Variants in NKAIN3 observed in about 807,000 individuals in gnomAD.
NKAIN3 encodes sodium/potassium transporting ATPase interacting 3.
NKAIN3 carries 25 observed loss-of-function variants against 30.2 expected under a neutral mutation model. The ratio of observed to expected loss-of-function variants is 0.83; its 90% CI spans 0.60 to 1.16. The LOEUF (loss-of-function observed/expected upper bound fraction) is 1.16. Ranked by LOEUF, NKAIN3 falls within the 50% of genes most tolerant of loss-of-function variation. The pLI is 0.00. For missense variants in NKAIN3, 225 were observed against 254.1 expected (o/e 0.89, Z 0.78); for synonymous variants, 91 against 89.6 (o/e 1.02, Z -0.09).
chr8:62,619,066 G>A (rs1811546488), intron 3 of NKAIN3, among the ~76,000 whole-genome samples: 1 of 152,250 alleles, frequency 6.6e-6, no homozygotes, highest in Non-Finnish European at 1.5e-5. Flanking sequence ...TTCCAACTTG[G>A]AGAAATCGGA....
intron 3 of NKAIN3, among the ~76,000 whole-genome samples, chr8:62,664,184 T>C (rs973716898): frequency 5.3e-4 from 80 of 152,088 alleles, no homozygotes; most frequent in Non-Finnish European, 7.5e-4. Context: ...CAGTTTTTCC[T>C]CTATACTAGA....
intron 1 of NKAIN3, among the ~76,000 whole-genome samples, chr8:62,496,984 G>A (rs1455162675): frequency 6.6e-6 from 1 of 151,990 alleles, no homozygotes; most frequent in Non-Finnish European, 1.5e-5. Context: ...AGAGAATAAT[G>A]TCATTTATGA....
At chr8:62,857,324 T>A (rs1273633096) in intron 4 of NKAIN3, among the ~76,000 whole-genome samples, 1 of 152,192 alleles carries the variant, frequency 6.6e-6, no homozygotes, top group African/African-American at 2.4e-5. Flanking sequence ...TTATGTATCT[T>A]GGGGATAATC....
chr8:62,912,414 C>A (rs576203784), intron 4 of NKAIN3, among the ~76,000 whole-genome samples: 2 of 152,026 alleles, frequency 1.3e-5, no homozygotes, highest in Non-Finnish European at 2.9e-5. Context: ...TTACTTTCTT[C>A]AATAATAAAT....
chr8:62,810,890 G>A (rs981609165), intron 4 of NKAIN3, among the ~76,000 whole-genome samples: 4 of 152,084 alleles, frequency 2.6e-5, no homozygotes, highest in Non-Finnish European at 5.9e-5. Context: ...AAGAGCTTGT[G>A]TACTTTTACC....
chr8:62,324,617 G>A (rs546170146), intron 1 of NKAIN3, among the ~76,000 whole-genome samples: 30 of 152,172 alleles, frequency 2.0e-4, no homozygotes, highest in Non-Finnish European at 4.3e-4. Flanking sequence ...TAAAACATGA[G>A]GCACCAGTCT....
chr8:62,575,012 T>C (rs1165380965), intron 1 of NKAIN3, among the ~76,000 whole-genome samples: 2 of 152,026 alleles, frequency 1.3e-5, no homozygotes, highest in Non-Finnish European at 2.9e-5. Flanking sequence ...ACAGCTAGTA[T>C]CATACTGAAT....
At chr8:62,929,454 A>C (rs748705013) in intron 5 of NKAIN3, among the ~76,000 whole-genome samples, 1 of 152,216 alleles carries the variant, frequency 6.6e-6, no homozygotes, top group South Asian at 2.1e-4. Flanking sequence ...AAAGTAAATT[A>C]AATCTGTTTC....
At chr8:62,833,951 GA>G (rs112434613) in intron 4 of NKAIN3, among the ~76,000 whole-genome samples, 16,787 of 152,010 alleles carry the variant, frequency 0.11, 986 homozygotes, top group African/African-American at 0.15. Context: ...ACTGAAGCTA[GA>G]AATCACATCA....
At chr8:62,730,609 C>T (rs1192639140) in intron 3 of NKAIN3, among the ~76,000 whole-genome samples, 1 of 152,058 alleles carries the variant, frequency 6.6e-6, no homozygotes, top group Non-Finnish European at 1.5e-5. Context: ...ATTTTAAAAA[C>T]TGCTCACTAA....
chr8:62,321,741 TG>T (rs1471252698), intron 1 of NKAIN3, among the ~76,000 whole-genome samples: 1 of 152,138 alleles, frequency 6.6e-6, no homozygotes, highest in Non-Finnish European at 1.5e-5. Flanking sequence ...CTGCCCCTAC[TG>T]GGGGGTGCCT....
intron 5 of NKAIN3, among the ~76,000 whole-genome samples, chr8:62,930,829 G>T (rs565515588): frequency 2.6e-5 from 4 of 151,224 alleles, no homozygotes; most frequent in African/African-American, 7.3e-5. Context: ...TCAGCCTCCC[G>T]AGTAGCTGGG....
intron 1 of NKAIN3, among the ~76,000 whole-genome samples, chr8:62,345,248 G>T (rs1260118523): frequency 1.6e-5 from 1 of 61,414 alleles, no homozygotes; most frequent in African/African-American, 5.1e-5. Context: ...TGTACATGTG[G>T]GTATATATAT....
chr8:62,603,666 G>T (rs1283055641), intron 3 of NKAIN3, among the ~76,000 whole-genome samples: 3 of 152,054 alleles, frequency 2.0e-5, no homozygotes, highest in Admixed American at 6.6e-5. Flanking sequence ...AACTTAATTA[G>T]TGTCTTGCAC....
chr8:62,682,785 GACCTGGGA>G (rs1813682976), intron 3 of NKAIN3, among the ~76,000 whole-genome samples: 2 of 151,988 alleles, frequency 1.3e-5, no homozygotes, highest in Non-Finnish European at 2.9e-5. Flanking sequence ...TAACTCCATT[GACCTGGGA>G]ACCACACCCC....
At chr8:62,804,014 C>A (rs531741512) in intron 4 of NKAIN3, among the ~76,000 whole-genome samples, 69 of 152,194 alleles carry the variant, frequency 4.5e-4, no homozygotes, top group South Asian at 2.9e-3. Context: ...GAAAATCTAG[C>A]AGAAATGGAT....
In NKAIN3 at chr8:62,719,658, A is replaced by G. The variant is rs576119385; in HGVS notation, c.274-27274A>G. Among the ~76,000 whole-genome samples, 14 of 152,070 alleles carry G rather than the reference A, an allele frequency of 9.2e-5. No homozygotes were observed. The East Asian group carries it at 1.5e-3, about 17-fold the overall frequency. The stretch of plus-strand genomic sequence containing the variant: ...GCAAATAATCAATTTGTCTTATACT[A>G]TGCCTGACAGGTAAGTCATAACTAT... On this transcript the variant is annotated intron_variant, in intron 3 of 6. Coordinates refer to ENST00000623646, the MANE Select transcript of NKAIN3 (RefSeq NM_001304533.3).
intron 4 of NKAIN3, among the ~76,000 whole-genome samples, chr8:62,905,965 C>T (rs1401324916): frequency 6.6e-6 from 1 of 152,190 alleles, no homozygotes; most frequent in African/African-American, 2.4e-5. Flanking sequence ...CAGCGTTGTG[C>T]TTTCATCAAG....
At chr8:62,483,384 TCC>T in intron 1 of NKAIN3, 1 of 212,272 alleles carries the variant, frequency 4.7e-6, no homozygotes, top group Non-Finnish European at 1.0e-5. Flanking sequence ...CAGGTCGCTT[TCC>T]CCATGTTTCC....
Sources: gnomAD v4.1 joint callset for allele counts (sites outside exome capture counted in the v4.1 genomes callset) on GRCh38, gnomAD v4.1.1 for gene constraint, MANE v1.5 for transcripts, NCBI Gene and HGNC (gene_info 2026-07-23, HGNC 2026-07-21) for gene names.